Variants in PCCA observed in about 807,000 individuals in gnomAD.
The protein encoded by PCCA is propionyl-CoA carboxylase subunit alpha, also known as propionyl-CoA carboxylase alpha chain, mitochondrial.
In PCCA, 74 loss-of-function variants were observed where a neutral mutation model predicts 101.3. The ratio of observed to expected loss-of-function variants is 0.73; its 90% CI spans 0.61 to 0.89. The LOEUF (loss-of-function observed/expected upper bound fraction) is 0.89. PCCA is among the 40% of genes least tolerant of loss of function. PCCA has a pLI of 0.00. For synonymous variants in PCCA, 294 were observed against 313.6 expected (o/e 0.94, Z 0.66); for missense variants, 891 against 907.0 (o/e 0.98, Z 0.23).
chr13:100,321,089 C>G (rs546590145), intron 16 of PCCA, among the ~76,000 whole-genome samples: 3 of 152,298 alleles, frequency 2.0e-5, no homozygotes, highest in Admixed American at 2.0e-4. Context: ...TCCTTCTCAT[C>G]TTTCTGTTTT....
intron 22 of PCCA, among the ~76,000 whole-genome samples, chr13:100,522,024 G>A (rs1297877377): frequency 6.6e-6 from 1 of 152,122 alleles, no homozygotes; most frequent in African/African-American, 2.4e-5. Context: ...TCAGCTGCAC[G>A]CAGTGATTTG....
In PCCA at chr13:100,305,042, TGAAG is replaced by T. The variant is rs1252582245; in HGVS notation, c.1284+2048_1284+2051del. ...AGTGCAAATTTGTATAGCCTTTCAT[TGAAG>T]GAATGGAGACTTGATCTGACTTCAG... On this transcript the variant is annotated intron_variant, in intron 14 of 23. Transcript: ENST00000376285. 5.3e-5 allele frequency among the ~76,000 whole-genome samples: 8 copies of T among 152,300 alleles called. No homozygotes were observed. The Middle Eastern group carries it at 0.02, about 389-fold the overall frequency.
intron 4 of PCCA, chr13:100,150,899 A>G (rs2053232390): frequency 1.3e-6 from 2 of 1,551,700 alleles, no homozygotes; most frequent in Non-Finnish European, 8.9e-7. Context: ...ACCACGGCAA[A>G]CACGAATCCT....
chr13:100,414,531 A>G (rs1421667639), intron 19 of PCCA, among the ~76,000 whole-genome samples: 1 of 152,252 alleles, frequency 6.6e-6, no homozygotes, highest in Non-Finnish European at 1.5e-5. Context: ...TGCTTTGCCT[A>G]GAAATCAGCA....
intron 4 of PCCA, among the ~76,000 whole-genome samples, chr13:100,134,866 T>G (rs1384893201): frequency 2.0e-5 from 3 of 151,836 alleles, no homozygotes; most frequent in Non-Finnish European, 2.9e-5. Context: ...TTTCTTTCAT[T>G]AGCATTTCAT....
intron 21 of PCCA, among the ~76,000 whole-genome samples, chr13:100,471,723 T>G (rs2083029794): frequency 6.6e-6 from 1 of 152,242 alleles, no homozygotes; most frequent in South Asian, 2.1e-4. Flanking sequence ...TAGCAACTTG[T>G]TGAAGATGAA....
At chr13:100,445,970 AAT>A (rs1370457793) in intron 20 of PCCA, among the ~76,000 whole-genome samples, 8 of 152,086 alleles carry the variant, frequency 5.3e-5, no homozygotes, top group Non-Finnish European at 1.2e-4. Flanking sequence ...TTCTATTTTT[AAT>A]GTTTTGAGAA....
At chr13:100,441,492 A>G (rs1175067514) in intron 20 of PCCA, among the ~76,000 whole-genome samples, 4 of 152,234 alleles carry the variant, frequency 2.6e-5, no homozygotes, top group Admixed American at 6.5e-5. Flanking sequence ...CCTTTGTGTG[A>G]ATAACTTTGC....
At chr13:100,508,917 T>C (rs567913753) in intron 21 of PCCA, among the ~76,000 whole-genome samples, 231 of 152,194 alleles carry the variant, frequency 1.5e-3, no homozygotes, top group Middle Eastern at 3.4e-3. Flanking sequence ...TTTAGCATAA[T>C]AACCTAAACC....
intron 7 of PCCA, among the ~76,000 whole-genome samples, chr13:100,219,973 A>G (rs1446081139): frequency 6.6e-6 from 1 of 152,152 alleles, no homozygotes; most frequent in East Asian, 1.9e-4. Context: ...ATGGAGTTAC[A>G]TTGTTTGACA....
At chr13:100,192,845 G>T (rs2057829158) in intron 6 of PCCA, among the ~76,000 whole-genome samples, 1 of 152,136 alleles carries the variant, frequency 6.6e-6, no homozygotes, top group Non-Finnish European at 1.5e-5. Flanking sequence ...TGATTCCCTT[G>T]TTGGACTCTG....
intron 19 of PCCA, among the ~76,000 whole-genome samples, chr13:100,410,094 C>A (rs1006701917): frequency 6.6e-6 from 1 of 152,024 alleles, no homozygotes; most frequent in Non-Finnish European, 1.5e-5. Flanking sequence ...TCAACAAACC[C>A]GTTTCTATGG....
chr13:100,409,472 G>A (rs116430262), intron 19 of PCCA, among the ~76,000 whole-genome samples: 2,245 of 152,238 alleles, frequency 0.015, 61 homozygotes, highest in African/African-American at 0.051. Context: ...CGAGGCCAGA[G>A]TTCCTGCTAG....
At chr13:100,367,913 G>A (rs1052623882) in intron 18 of PCCA, among the ~76,000 whole-genome samples, 5 of 151,692 alleles carry the variant, frequency 3.3e-5, no homozygotes, top group South Asian at 2.1e-4. Flanking sequence ...AGCCGAAATC[G>A]CACCATTGCA....
intron 18 of PCCA, among the ~76,000 whole-genome samples, chr13:100,349,290 A>AT (rs34223246): frequency 2.0e-5 from 3 of 151,556 alleles, no homozygotes; most frequent in African/African-American, 4.9e-5. Context: ...TGCCTGGCTA[A>AT]TTTTTTTTGT....
At chr13:100,120,541 A>T (rs1012466137) in intron 4 of PCCA, among the ~76,000 whole-genome samples, 3 of 152,178 alleles carry the variant, frequency 2.0e-5, no homozygotes. Flanking sequence ...TTTCTTTGAG[A>T]AATAAAGACT....
At chr13:100,437,697 C>T (rs529506066) in intron 20 of PCCA, among the ~76,000 whole-genome samples, 24 of 152,012 alleles carry the variant, frequency 1.6e-4, no homozygotes, top group Non-Finnish European at 2.9e-4. Flanking sequence ...GTGTTTGAGA[C>T]GGAGTCCGTT....
intron 7 of PCCA, among the ~76,000 whole-genome samples, chr13:100,229,683 T>C (rs895599329): frequency 6.6e-6 from 1 of 152,214 alleles, no homozygotes; most frequent in African/African-American, 2.4e-5. Context: ...TGTGAGGTCC[T>C]GTTCCAGCCA....
intron 21 of PCCA, 139 bp from the exon 22 acceptor site, chr13:100,515,285 TGCA>T: frequency 1.3e-6 from 1 of 747,762 alleles, no homozygotes; most frequent in South Asian, 1.5e-5. Flanking sequence ...TTTTGATGTG[TGCA>T]GCAATTGAGA....
Sources: allele counts gnomAD v4.1 joint callset (sites outside exome capture counted in the v4.1 genomes callset), GRCh38; gene constraint gnomAD v4.1.1; transcripts MANE v1.5; gene names NCBI Gene and HGNC (gene_info 2026-07-23, HGNC 2026-07-21).